MEG3: variants seen among roughly 807,000 people sequenced by gnomAD.
MEG3 encodes the protein maternally expressed 3, also known as Very putative protein from MEG3 locus.
intron 2 of MEG3, among the ~76,000 whole-genome samples, chr14:100,843,833 GTTTTTTTTT>G (rs11307044): frequency 4.2e-5 from 3 of 70,732 alleles, no homozygotes; most frequent in South Asian, 5.9e-4. Flanking sequence ...CCCGGGACCT[GTTTTTTTTT>G]TTTTTTTTTT....
At chr14:100,836,213 G>A (rs1163289163) in exon 2 of MEG3, 2 of 456,604 alleles carry the variant, frequency 4.4e-6, no homozygotes, top group South Asian at 1.5e-5. Flanking sequence ...ACTGCGGATG[G>A]AAGCTGCGGA....
chr14:100,829,749 G>C (rs1052386825), downstream of MEG3: 3 of 152,198 alleles, frequency 2.0e-5, no homozygotes, highest in Non-Finnish European at 2.9e-5. Flanking sequence ...CCTTGCATCA[G>C]GTAGGGGCTT....
chr14:100,851,744 A>C (rs893135739), intron 3 of MEG3: 1 of 152,662 alleles, frequency 6.6e-6, no homozygotes, highest in Non-Finnish European at 1.5e-5. Context: ...CGTGTTTTGT[A>C]ACTTGGCGGG....
chr14:100,836,345 G>T, intron 2 of MEG3: 1 of 451,840 alleles, frequency 2.2e-6, no homozygotes, highest in Non-Finnish European at 4.4e-6. Context: ...ATTAGGGTCA[G>T]CTCATGTCTC....
chr14:100,858,907 T>G (rs995064239), exon 1 of MEG3: 19 of 152,788 alleles, frequency 1.2e-4, no homozygotes, highest in African/African-American at 4.6e-4. Context: ...GGGTGGGCCT[T>G]GGGGTCCCCT....
At chr14:100,844,844 T>G (rs565934920) in intron 2 of MEG3, among the ~76,000 whole-genome samples, 1 of 152,162 alleles carries the variant, frequency 6.6e-6, no homozygotes, top group Non-Finnish European at 1.5e-5. Context: ...AAAAACAAGT[T>G]AAAACGTAAG....
intron 1 of MEG3, chr14:100,826,109 G>T (rs1329517126): frequency 6.6e-6 from 1 of 152,238 alleles, no homozygotes; most frequent in Non-Finnish European, 1.5e-5. Flanking sequence ...CACCCAGCCA[G>T]CCCCTAGCGC....
exon 1 of MEG3, chr14:100,834,994 A>G: frequency 2.7e-6 from 1 of 367,254 alleles, no homozygotes; most frequent in Non-Finnish European, 5.5e-6. Context: ...TGGCCTGGGC[A>G]CCGGCCACCG....
At chr14:100,855,032 T>A (rs1356853734), upstream of MEG3, 1 of 152,662 alleles carries the variant, frequency 6.6e-6, no homozygotes, top group Non-Finnish European at 1.5e-5. Flanking sequence ...GGAGGGCATG[T>A]CACCCAAGGA....
chr14:100,845,373 C>A lies in MEG3; in HGVS notation n.3046-85C>A. The A allele has an allele frequency of 2.5e-6, 1 of 393,038 alleles. No individual in the cohort carries two copies. The highest frequency in any genetic ancestry group is 5.1e-6 in the Non-Finnish European group (1 of 195,394). 24.3% of individuals were successfully genotyped at this position (393,038 alleles called of 1,614,324 possible). Reference sequence around the variant, plus strand: ...CTCCAGGCCACCCCTGCCCGCCCCCCAGAGCTGTTGTCCTCATCCGCCCTC... The same window carrying A: ...CTCCAGGCCACCCCTGCCCGCCCCCAAGAGCTGTTGTCCTCATCCGCCCTC... On this transcript the variant is annotated intron_variant and non_coding_transcript_variant, in intron 2 of 3. Transcript: ENST00000398461. This position sits in a 1 kb window ranked among gnomAD's most constrained non-coding sequence, Gnocchi z 5.2.
exon 1 of MEG3, chr14:100,834,878 G>C (rs896324947): frequency 4.9e-5 from 22 of 448,744 alleles, no homozygotes; most frequent in Non-Finnish European, 1.4e-5. Context: ...TCCGACCCCT[G>C]CCCCATTTGA....
intron 2 of MEG3, among the ~76,000 whole-genome samples, chr14:100,841,327 T>C (rs1194415699): frequency 3.3e-5 from 5 of 152,352 alleles, no homozygotes; most frequent in African/African-American, 1.2e-4. Context: ...GGGTGTGACC[T>C]TGGCCCCTGT....
At chr14:100,840,525 G>A (rs1394498559) in intron 2 of MEG3, among the ~76,000 whole-genome samples, 4 of 152,132 alleles carry the variant, frequency 2.6e-5, no homozygotes, top group African/African-American at 9.7e-5. Context: ...AGAAGAAAAC[G>A]TCAATTACCT....
chr14:100,847,388 C>T (rs2037948734), intron 3 of MEG3: 1 of 152,176 alleles, frequency 6.6e-6, no homozygotes, highest in African/African-American at 2.4e-5. Flanking sequence ...GGTTTTGAGT[C>T]ATCCAGTCCT....
At chr14:100,851,905 T>C (rs139279966) in intron 3 of MEG3, 2 of 163,122 alleles carry the variant, frequency 1.2e-5, no homozygotes, top group Non-Finnish European at 2.7e-5. Flanking sequence ...GGAGGAAATG[T>C]GTGTAGTTTT....
Position 100,844,501 on chromosome 14 carries a change from C to T in MEG3, n.3046-957C>T, listed in dbSNP as rs1566731183. 2.6e-5 allele frequency among the ~76,000 whole-genome samples: 4 copies of T among 152,170 alleles called. No individual in the cohort carries two copies. The South Asian group carries it at 8.3e-4, about 31-fold the overall frequency. On this transcript the variant is annotated intron_variant and non_coding_transcript_variant, in intron 2 of 3. Transcript: ENST00000398461. The stretch of plus-strand genomic sequence containing the variant: ...TTTTTTCTGTGTAGTTTTCAGTTTA[C>T]AGAAACATTGGTGGGAAAGTACAGA...
chr14:100,838,359 C>T (rs1057305259), intron 2 of MEG3, among the ~76,000 whole-genome samples: 13 of 152,062 alleles, frequency 8.5e-5, no homozygotes, highest in Admixed American at 3.3e-4. Flanking sequence ...CAGGCAAACA[C>T]ATATTTGGGG....
chr14:100,834,920 C>T (rs750984931), exon 1 of MEG3: 7 of 414,780 alleles, frequency 1.7e-5, no homozygotes, highest in Non-Finnish European at 2.4e-5. Flanking sequence ...TCCCTGCATT[C>T]ACCCGCGCGG....
exon 1 of MEG3, chr14:100,835,840 CTCCT>C (rs1227267913): frequency 7.6e-6 from 2 of 263,850 alleles, no homozygotes; most frequent in African/African-American, 4.7e-5. Flanking sequence ...TATGGACAGA[CTCCT>C]GTCCCATCCC....
Sources: gnomAD v4.1 joint callset for allele counts (sites outside exome capture counted in the v4.1 genomes callset) on GRCh38, gnomAD v4.1.1 for gene constraint, Gnocchi (gnomAD v3.1) non-coding constraint, MANE v1.5 for transcripts, NCBI Gene and HGNC (gene_info 2026-07-23, HGNC 2026-07-21) for gene names.